Variants in SUGCT observed in about 807,000 individuals in gnomAD.
SUGCT encodes the protein succinyl-CoA:glutarate-CoA transferase.
A neutral mutation model predicts 55.0 loss-of-function variants in SUGCT; 41 were observed. The observed-to-expected ratio is 0.74, with a 90% CI of 0.58 to 0.97. The LOEUF (loss-of-function observed/expected upper bound fraction) is 0.97. Ranked by LOEUF, SUGCT falls within the 50% of genes least tolerant of loss-of-function variation. The pLI, the probability that SUGCT is intolerant of heterozygous loss-of-function variation, is 0.00. For synonymous variants in SUGCT, 187 were observed against 200.4 expected (o/e 0.93, Z 0.56); for missense variants, 568 against 547.8 (o/e 1.04, Z -0.37).
At chr7:40,332,715 G>A (rs1027097269) in intron 9 of SUGCT, among the ~76,000 whole-genome samples, 1 of 152,124 alleles carries the variant, frequency 6.6e-6, no homozygotes, top group Admixed American at 6.5e-5. Flanking sequence ...GTGCATTGAG[G>A]TGTTGCATTA....
At chr7:40,753,880 T>G (rs1788132772) in intron 13 of SUGCT, among the ~76,000 whole-genome samples, 1 of 152,220 alleles carries the variant, frequency 6.6e-6, no homozygotes, top group South Asian at 2.1e-4. Flanking sequence ...ATTTAGTACA[T>G]TGTTTCAATC....
At chr7:40,886,164 G>T in the SUGCT span, among the ~76,000 whole-genome samples, 118 of 152,294 alleles carry the variant, frequency 7.7e-4, no homozygotes, top group Middle Eastern at 3.4e-3. Flanking sequence ...TGATAGAGTA[G>T]AACAGATTGG....
intron 12 of SUGCT, among the ~76,000 whole-genome samples, chr7:40,649,023 T>C (rs1375490871): frequency 6.6e-6 from 1 of 152,226 alleles, no homozygotes; most frequent in African/African-American, 2.4e-5. Flanking sequence ...AAGAGAGCTA[T>C]TCTTATTTGT....
intron 13 of SUGCT, among the ~76,000 whole-genome samples, chr7:40,759,311 G>A (rs896218585): frequency 6.6e-6 from 1 of 152,122 alleles, no homozygotes; most frequent in African/African-American, 2.4e-5. Context: ...TTGTGAATAG[G>A]TTTTAATGGC....
At chr7:40,900,451 T>C in the SUGCT span, among the ~76,000 whole-genome samples, 2 of 152,362 alleles carry the variant, frequency 1.3e-5, no homozygotes, top group Non-Finnish European at 2.9e-5. Flanking sequence ...CACATAGTCA[T>C]TCAACAACTC....
chr7:40,874,888 T>C, the SUGCT span, among the ~76,000 whole-genome samples: 1 of 152,212 alleles, frequency 6.6e-6, no homozygotes, highest in African/African-American at 2.4e-5. Flanking sequence ...AAATTGAAGC[T>C]AAGTCTGAAA....
At chr7:40,689,122 TAA>T (rs1491570297) in intron 12 of SUGCT, among the ~76,000 whole-genome samples, 1 of 152,202 alleles carries the variant, frequency 6.6e-6, no homozygotes, top group Non-Finnish European at 1.5e-5. Flanking sequence ...TCTTGTAGGT[TAA>T]GACATGTTCA....
intron 9 of SUGCT, among the ~76,000 whole-genome samples, chr7:40,353,423 T>C (rs1797737774): frequency 6.6e-6 from 1 of 152,124 alleles, no homozygotes; most frequent in African/African-American, 2.4e-5. Context: ...TGTGTACATA[T>C]TGAAGTTGAA....
the SUGCT span, among the ~76,000 whole-genome samples, chr7:41,008,584 C>T: frequency 6.6e-6 from 1 of 152,208 alleles, no homozygotes; most frequent in Non-Finnish European, 1.5e-5. Flanking sequence ...TTGCGTGTTC[C>T]TCTCTGCCTG....
intron 6 of SUGCT, among the ~76,000 whole-genome samples, chr7:40,211,708 A>G (rs1280331774): frequency 1.3e-5 from 2 of 152,208 alleles, no homozygotes; most frequent in Non-Finnish European, 2.9e-5. Context: ...GACAAGGCCC[A>G]GGTGGAATCT....
intron 12 of SUGCT, among the ~76,000 whole-genome samples, chr7:40,605,046 G>A (rs1204143417): frequency 6.6e-6 from 1 of 152,228 alleles, no homozygotes; most frequent in South Asian, 2.1e-4. Context: ...AGCAGCACAC[G>A]CGTCCGCCTC....
At chr7:40,226,578 AAACT>A (rs939017713) in intron 6 of SUGCT, among the ~76,000 whole-genome samples, 21 of 152,166 alleles carry the variant, frequency 1.4e-4, no homozygotes, top group Admixed American at 1.2e-3. Flanking sequence ...TCAGAATAGA[AAACT>A]AACTCTTTTT....
At chr7:40,321,006 C>T (rs375774108) in intron 9 of SUGCT, among the ~76,000 whole-genome samples, 8 of 152,188 alleles carry the variant, frequency 5.3e-5, no homozygotes, top group East Asian at 3.9e-4. Context: ...TTATTTAGCT[C>T]CCACTTATAA....
intron 9 of SUGCT, among the ~76,000 whole-genome samples, chr7:40,421,655 G>A (rs1194591996): frequency 6.6e-6 from 1 of 152,196 alleles, no homozygotes; most frequent in East Asian, 1.9e-4. Context: ...TGGAAAGAGA[G>A]CAATTTACAA....
At chr7:40,749,779 T>C (rs570376042) in intron 13 of SUGCT, among the ~76,000 whole-genome samples, 1 of 152,156 alleles carries the variant, frequency 6.6e-6, no homozygotes, top group Admixed American at 6.5e-5. Context: ...CAAAAGTACA[T>C]CATGTAATTA....
chr7:40,151,188 C>T (rs548373912), intron 1 of SUGCT, among the ~76,000 whole-genome samples: 18 of 152,224 alleles, frequency 1.2e-4, no homozygotes, highest in Admixed American at 2.6e-4. Flanking sequence ...TGTAGTGAGC[C>T]GAGATTGCGC....
chr7:40,885,646 G>A, the SUGCT span, among the ~76,000 whole-genome samples: 2 of 152,068 alleles, frequency 1.3e-5, no homozygotes, highest in Non-Finnish European at 2.9e-5. Flanking sequence ...CCTATGATTG[G>A]CCTTCTCCCA....
At chr7:40,142,237 T>C (rs1788028539) in intron 1 of SUGCT, among the ~76,000 whole-genome samples, 1 of 152,050 alleles carries the variant, frequency 6.6e-6, no homozygotes, top group Admixed American at 6.6e-5. Context: ...AGCAGATAAT[T>C]GAAAAAGGTT....
intron 13 of SUGCT, among the ~76,000 whole-genome samples, chr7:40,760,072 G>T (rs1036366243): frequency 3.9e-5 from 6 of 152,258 alleles, no homozygotes; most frequent in East Asian, 1.9e-4. Flanking sequence ...TATATATGCA[G>T]ATTTCAATCA....
Sources: allele counts gnomAD v4.1 joint callset (sites outside exome capture counted in the v4.1 genomes callset), GRCh38; gene constraint gnomAD v4.1.1; transcripts MANE v1.5; gene names NCBI Gene and HGNC (gene_info 2026-07-23, HGNC 2026-07-21).